The following PRKG1 variants were observed in gnomAD, a reference collection of about 807,000 sequenced individuals.
PRKG1 encodes the protein cGMP-dependent protein kinase 1.
A neutral mutation model predicts 88.1 loss-of-function variants in PRKG1; 35 were observed. The observed-to-expected ratio is 0.40, with a 90% CI of 0.30 to 0.53. PRKG1 has a LOEUF of 0.53. Among genes scored for constraint, PRKG1 ranks in the 20% least tolerant of loss-of-function variants. The probability of loss-of-function intolerance (pLI) is 0.59; values close to 1 mark genes in which losing one functional copy is unlikely to be tolerated. For missense variants in PRKG1, 540 were observed against 839.8 expected (o/e 0.64, Z 4.41); for synonymous variants, 303 against 292.5 (o/e 1.04, Z -0.37).
chr10:52,043,358 A>G (rs552775226), intron 5 of PRKG1, among the ~76,000 whole-genome samples: 6 of 152,204 alleles, frequency 3.9e-5, no homozygotes, highest in South Asian at 2.1e-4. Context: ...AAAAATGTGG[A>G]ATATATACAC....
chr10:51,983,724 C>T (rs1402762041), intron 5 of PRKG1, among the ~76,000 whole-genome samples: 3 of 152,240 alleles, frequency 2.0e-5, no homozygotes, highest in South Asian at 4.1e-4. Flanking sequence ...CTTCTCTAAG[C>T]AGCTCTCCCT....
intron 9 of PRKG1, among the ~76,000 whole-genome samples, 194 bp from the exon 10 acceptor site, chr10:52,251,376 A>C (rs1841164943): frequency 6.6e-6 from 1 of 152,170 alleles, no homozygotes; most frequent in Admixed American, 6.6e-5. Flanking sequence ...TTTGAAACAC[A>C]AGTGCAAATT....
chr10:51,801,834 C>T (rs1839182084), intron 3 of PRKG1, among the ~76,000 whole-genome samples: 1 of 152,118 alleles, frequency 6.6e-6, no homozygotes, highest in Admixed American at 6.6e-5. Flanking sequence ...TTATTTTCCA[C>T]TGAGTGGGAT....
At chr10:51,549,351 C>T (rs908917261) in intron 3 of PRKG1, among the ~76,000 whole-genome samples, 7 of 151,586 alleles carry the variant, frequency 4.6e-5, no homozygotes, top group Non-Finnish European at 8.8e-5. Flanking sequence ...GTCTCGATCT[C>T]CTGACCTTGG....
At chr10:51,476,071 CA>C (rs2132834585) in intron 3 of PRKG1, among the ~76,000 whole-genome samples, 1 of 152,116 alleles carries the variant, frequency 6.6e-6, no homozygotes. Context: ...CATAGGTGGC[CA>C]TTGACTTAAT....
chr10:52,166,578 C>T lies in PRKG1; in HGVS notation c.1076+4615C>T, dbSNP rs1265045588. ...CCTCCCAAGTAGCTGGGACTACAGG[C>T]GCCCGCCACTATGCCCGGCTAATTT... is the stretch of plus-strand genomic sequence containing the variant. On this transcript the variant is annotated intron_variant, in intron 9 of 17. Coordinates refer to ENST00000373980, the MANE Select transcript of PRKG1 (RefSeq NM_006258.4). Among the ~76,000 whole-genome samples, 19 of 147,752 alleles carry T rather than the reference C, an allele frequency of 1.3e-4. No homozygotes were observed. The Middle Eastern group carries it at 0.011, about 84-fold the overall frequency.
intron 1 of PRKG1, among the ~76,000 whole-genome samples, chr10:51,138,999 G>A (rs1845763839): frequency 6.6e-6 from 1 of 152,016 alleles, no homozygotes; most frequent in African/African-American, 2.4e-5. Context: ...TTGAACAGGT[G>A]ATGAGACCTA....
intron 3 of PRKG1, among the ~76,000 whole-genome samples, chr10:51,545,375 C>A (rs1348119905): frequency 1.3e-5 from 2 of 152,090 alleles, no homozygotes; most frequent in Admixed American, 6.6e-5. Context: ...ATGAATTTGT[C>A]CTCATGGGAA....
intron 9 of PRKG1, among the ~76,000 whole-genome samples, chr10:52,248,984 C>T (rs1200737890): frequency 1.3e-5 from 1 of 74,816 alleles, no homozygotes. Flanking sequence ...TTCCCCCTTC[C>T]CCACGCTTCC....
intron 1 of PRKG1, among the ~76,000 whole-genome samples, chr10:51,013,620 G>A (rs1036581992): frequency 6.6e-6 from 1 of 152,106 alleles, no homozygotes; most frequent in Non-Finnish European, 1.5e-5. Flanking sequence ...TCTATCTCCT[G>A]ACCTTGTGAT....
chr10:51,188,094 C>G (rs914722681), intron 2 of PRKG1, among the ~76,000 whole-genome samples: 1 of 151,992 alleles, frequency 6.6e-6, no homozygotes, highest in African/African-American at 2.4e-5. Context: ...TAGTCTGAGG[C>G]TCTAAACACT....
intron 3 of PRKG1, among the ~76,000 whole-genome samples, chr10:51,657,292 G>A (rs1212045724): frequency 2.0e-5 from 3 of 151,956 alleles, no homozygotes; most frequent in Non-Finnish European, 2.9e-5. Flanking sequence ...TATACACTTA[G>A]CCACTAAGCT....
chr10:51,156,703 G>A (rs963954212), intron 2 of PRKG1, among the ~76,000 whole-genome samples: 6 of 151,922 alleles, frequency 3.9e-5, no homozygotes, highest in African/African-American at 1.5e-4. Flanking sequence ...TGTGCTAATA[G>A]CCTTATGTCA....
intron 10 of PRKG1, among the ~76,000 whole-genome samples, chr10:52,261,351 C>G (rs1841427881): frequency 6.6e-6 from 1 of 152,044 alleles, no homozygotes; most frequent in South Asian, 2.1e-4. Flanking sequence ...GAGAGACCCT[C>G]TCTTGATTAT....
intron 4 of PRKG1, among the ~76,000 whole-genome samples, chr10:51,876,553 T>G (rs1311352532): frequency 6.6e-6 from 1 of 152,206 alleles, no homozygotes; most frequent in Non-Finnish European, 1.5e-5. Context: ...ATATAAGGCC[T>G]TAGGCAAATC....
At chr10:52,270,416 C>A (rs1841689394) in intron 10 of PRKG1, among the ~76,000 whole-genome samples, 1 of 152,072 alleles carries the variant, frequency 6.6e-6, no homozygotes, top group Admixed American at 6.6e-5. Flanking sequence ...AAGACACATG[C>A]ACACGTATGT....
chr10:51,499,486 A>G (rs1840959355), intron 3 of PRKG1, among the ~76,000 whole-genome samples: 1 of 152,210 alleles, frequency 6.6e-6, no homozygotes, highest in Non-Finnish European at 1.5e-5. Flanking sequence ...TTAAAAGGGA[A>G]TTTTATATCA....
At chr10:51,387,369 TAAA>T (rs1837278714) in intron 2 of PRKG1, among the ~76,000 whole-genome samples, 1 of 149,578 alleles carries the variant, frequency 6.7e-6, no homozygotes, top group Non-Finnish European at 1.5e-5. Flanking sequence ...ATATGAAATT[TAAA>T]TAAACTTAAT....
intron 2 of PRKG1, among the ~76,000 whole-genome samples, chr10:51,243,027 G>A (rs573310786): frequency 6.6e-6 from 1 of 152,298 alleles, no homozygotes; most frequent in South Asian, 2.1e-4. Flanking sequence ...TGGCATGCTT[G>A]TGAATAATAA....
Sources: allele counts gnomAD v4.1 joint callset (sites outside exome capture counted in the v4.1 genomes callset), GRCh38; gene constraint gnomAD v4.1.1; transcripts MANE v1.5; gene names NCBI Gene and HGNC (gene_info 2026-07-23, HGNC 2026-07-21).